The following ODC1 variants were observed in gnomAD, a reference collection of about 807,000 sequenced individuals.
The protein encoded by ODC1 is ornithine decarboxylase 1.
A neutral mutation model predicts 41.5 loss-of-function variants in ODC1; 18 were observed. The ratio of observed to expected loss-of-function variants is 0.43; its 90% confidence interval spans 0.30 to 0.64. The LOEUF (loss-of-function observed/expected upper bound fraction) is 0.64. Among genes scored for constraint, ODC1 ranks in the 30% least tolerant of loss-of-function variants. The pLI is 0.11. For synonymous variants in ODC1, 218 were observed against 211.6 expected, an observed-to-expected ratio of 1.03 and a Z score of -0.26; for missense variants, 504 against 589.0, an observed-to-expected ratio of 0.86 and a Z score of 1.49.
rs1385001529 is a variant in ODC1 at position 10,439,987 on chromosome 2, AATTT to A, written c.*733_*736del. 1 of 152,290 alleles carries A rather than the reference AATTT, an allele frequency of 6.6e-6. No individual in the cohort carries two copies. The highest frequency in any genetic ancestry group is 6.5e-5 in the Admixed American group (1 of 15,284). The allele number at this position is 152,290 out of a possible 1,614,324, so 9.4% of individuals were successfully genotyped here. ...ACATGGTAGGGACTTGCTGTTGCTG[AATTT>A]ATTAAAATAAGCTGACTGCCAAATG... is the stretch of plus-strand genomic sequence containing the variant. On this transcript the variant is annotated 3_prime_UTR_variant, in exon 12 of 12. Coordinates refer to ENST00000234111, the MANE Select transcript of ODC1 (RefSeq NM_002539.3).
Position 10,440,873 on chromosome 2 carries a change from G to T in ODC1, c.1242-5C>A. 1 of 1,612,808 alleles carries T rather than the reference G, an allele frequency of 6.2e-7. No individual in the cohort carries two copies. Reference sequence around the variant, plus strand: ...TGGAATTGCTGCATGAGTTGCCTGAGAAAGAAAAAGTGGCATATTAAAAAC... The same window carrying T: ...TGGAATTGCTGCATGAGTTGCCTGATAAAGAAAAAGTGGCATATTAAAAAC... On this transcript the variant is annotated splice_region_variant and splice_polypyrimidine_tract_variant and intron_variant, in intron 11 of 11. Transcript: ENST00000234111.
intron 4 of ODC1, 89 bp downstream of exon 4, chr2:10,444,385 T>C: frequency 6.6e-7 from 1 of 1,513,308 alleles, no homozygotes. Flanking sequence ...TGAGCATTTA[T>C]TGCCCAAAAA....
rs754692194 is a variant in ODC1 at position 10,441,910 on chromosome 2, C to T, written c.933G>A (p.Glu311=). The T allele has an allele frequency of 4.6e-5, 74 of 1,613,968 alleles. No individual in the cohort carries two copies. Among genetic ancestry groups the T allele is most frequent in the Admixed American group, 1.7e-4 (10 of 59,992 alleles). The change falls in exon 10 of 12, where the codon GAG becomes GAA. Residue 311 remains glutamate (E), a synonymous_variant. Transcript: ENST00000234111. The part of the protein sequence containing the change: ...TGSDDEDESS[E]QTFMYYVNDG... Reference sequence around the variant, plus strand: ...CATTCACATAATACATAAAGGTCTGCTCACTCGACTCATCTTCGTCTAGAA... The same window carrying T: ...CATTCACATAATACATAAAGGTCTGTTCACTCGACTCATCTTCGTCTAGAA...
rs1671770172 is a variant in ODC1, at chr2:10,440,063, G to A, written c.*661C>T. 1 of 152,286 alleles carries A rather than the reference G, an allele frequency of 6.6e-6. No individual in the cohort carries two copies. Among genetic ancestry groups the A allele is most frequent in the Non-Finnish European group, 1.5e-5 (1 of 68,114 alleles). 9.4% of individuals were successfully genotyped at this position (152,286 alleles called of 1,614,324 possible). A position where few individuals can be genotyped will look rare whatever the true frequency, so the allele number is the denominator to read the frequency against. ...CTTCTCACAGGCATGAAGGTGGGAGGGGACACGGATGGTCTCTGCAGGCCA... is the reference window on the plus strand; with the variant it reads ...CTTCTCACAGGCATGAAGGTGGGAGAGGACACGGATGGTCTCTGCAGGCCA... On this transcript the variant is annotated 3_prime_UTR_variant, in exon 12 of 12. Transcript: ENST00000234111.
chr2:10,443,608 G>C, intron 6 of ODC1, 37 bp from the exon 7 acceptor site: 1 of 1,605,892 alleles, frequency 6.2e-7, no homozygotes. Flanking sequence ...CTGTGTCTTA[G>C]TATTTCTTAA....
Position 10,443,247 on chromosome 2 carries a change from T to C in ODC1, c.733A>G (p.Lys245Glu). The C allele has an allele frequency of 3.1e-6, 5 of 1,612,076 alleles. No individual in the cohort carries two copies. The highest frequency in any genetic ancestry group is 4.2e-6 in the Non-Finnish European group (5 of 1,179,442). Residue 245 changes from lysine (K) to glutamate (E), a missense_variant, in exon 8 of 12, where the codon AAA (lysine) becomes GAA (glutamate). Physicochemically the swap from Lys to Glu is moderately conservative, Grantham distance 56 (BLOSUM62 1). Around this residue, in one of 3 missense-constraint regions of ODC1, gnomAD observed 447 missense variants for 524.4 expected, o/e 0.85. Transcript: ENST00000234111. ...TAAATTACCTCTTCAAATTTAAGTTTCACATCCTCAGATCCAGGAAAGCCA... is the reference window on the plus strand; with the variant it reads ...TAAATTACCTCTTCAAATTTAAGTTCCACATCCTCAGATCCAGGAAAGCCA... Reference protein sequence around the residue: ...GGGFPGSEDVKLKFEEITGVI... With the variant: ...GGGFPGSEDVELKFEEITGVI...
chr2:10,443,565 A>G lies in ODC1; in HGVS notation c.591T>C (p.His197=), dbSNP rs114387410. 4.3e-5 allele frequency: 69 copies of G among 1,613,088 alleles called. No individual in the cohort carries two copies. In the African/African-American group the frequency reaches 7.9e-4, roughly 18 times the overall value. Residue 197 remains histidine (H), a synonymous_variant, in exon 7 of 12, where the codon CAT becomes CAC. Coordinates refer to ENST00000234111, the MANE Select transcript of ODC1 (RefSeq NM_002539.3). ...LNIDVVGVSF[H]VGSGCTDPET... The stretch of plus-strand genomic sequence containing the variant: ...CAGGATCGGTACAGCCGCTTCCTAC[A>G]TGGAAGCTGGGGTAAAATAAAGAGA...
rs1471701681 is a variant in ODC1 at position 10,442,134 on chromosome 2, G to A, written c.791C>T (p.Pro264Leu). Reference protein sequence around the residue: ...VINPALDKYFPSDSGVRIIAE... With the variant: ...VINPALDKYFLSDSGVRIIAE... ...TATGATTCTCACTCCAGAGTCTGAC[G>A]GAAAGTATTTGTCCAACGCTGGGTT... Residue 264 changes from proline to leucine, a missense_variant, in exon 9 of 12, where the codon CCG becomes CTG. This residue lies in a region of ODC1 where 447 missense variants were observed against 524.4 expected (regional missense o/e 0.85). Coordinates refer to ENST00000234111, the MANE Select transcript of ODC1 (RefSeq NM_002539.3). The A allele has an allele frequency of 3.7e-6, 6 of 1,613,654 alleles. No individual in the cohort carries two copies. Among genetic ancestry groups the A allele is most frequent in the Non-Finnish European group, 5.1e-6 (6 of 1,179,890 alleles).
At chr2:10,445,612 T>G (rs1382550517) in intron 1 of ODC1, among the ~76,000 whole-genome samples, 1 of 152,226 alleles carries the variant, frequency 6.6e-6, no homozygotes, top group Admixed American at 6.5e-5. Flanking sequence ...TTTCAGTTCC[T>G]TAGAAACTTA....
At chr2:10,441,002 G>A (rs1240495896) in intron 11 of ODC1, 134 bp from the exon 12 acceptor site, 1 of 1,018,362 alleles carries the variant, frequency 9.8e-7, no homozygotes, top group Non-Finnish European at 1.4e-6. Flanking sequence ...TGTTACTCAG[G>A]CTGGAATACA....
chr2:10,444,013 T>A (rs1671929288), intron 5 of ODC1, 82 bp downstream of exon 5: 2 of 1,488,408 alleles, frequency 1.3e-6, no homozygotes, highest in Non-Finnish European at 1.8e-6. Context: ...AGAAATATAA[T>A]AATCAGAAAT....
Position 10,442,165 on chromosome 2 carries a change from C to T in ODC1, c.760G>A (p.Val254Ile), listed in dbSNP as rs573428254. Residue 254 changes from valine (V) to isoleucine (I), a missense_variant, in exon 9 of 12, where the codon GTA (valine) becomes ATA (isoleucine). Val to Ile is a conservative substitution (Grantham distance 29). This residue lies in a region of ODC1 where 447 missense variants were observed against 524.4 expected (regional missense o/e 0.85). Coordinates refer to ENST00000234111, the MANE Select transcript of ODC1 (RefSeq NM_002539.3). ...VKLKFEEITGVINPALDKYFP... is the reference protein window; with the variant it reads ...VKLKFEEITGIINPALDKYFP... ...TATTTGTCCAACGCTGGGTTGATTA[C>T]GCCGGTGATCTAAGAGAGTGAAACA... 33 of 1,602,538 alleles carry T rather than the reference C, an allele frequency of 2.1e-5. No individual in the cohort carries two copies. Among genetic ancestry groups the T allele is most frequent in the South Asian group, 4.5e-5 (4 of 88,652 alleles).
chr2:10,448,190 G>T lies in ODC1; in HGVS notation c.-197C>A, dbSNP rs1478878650. ...AGACGCCGGAGCCTGAGTCGCAGCC[G>T]CAGGAGCGCTCGGCCGCCCCCGCCG... is the stretch of plus-strand genomic sequence containing the variant. On this transcript the variant is annotated 5_prime_UTR_variant, in exon 1 of 12. Coordinates refer to ENST00000234111, the MANE Select transcript of ODC1 (RefSeq NM_002539.3). 2 of 186,882 alleles carry T rather than the reference G, an allele frequency of 1.1e-5. No individual in the cohort carries two copies. The highest frequency in any genetic ancestry group is 2.2e-5 in the Non-Finnish European group (2 of 91,966). The allele number at this position is 186,882 out of a possible 1,614,324, so 11.6% of individuals were successfully genotyped here. A position where few individuals can be genotyped will look rare whatever the true frequency, so the allele number is the denominator to read the frequency against.
In ODC1 at chr2:10,442,007, C is replaced by T; in HGVS notation, c.913+5G>A. Reference sequence around the variant, plus strand: ...TACATGAAGTGATTCGTCCTTTATACATACCATCAGAGCCCGTCTGTTCCT... The same window carrying T: ...TACATGAAGTGATTCGTCCTTTATATATACCATCAGAGCCCGTCTGTTCCT... On this transcript the variant is annotated splice_donor_5th_base_variant and intron_variant, in intron 9 of 11. Coordinates refer to ENST00000234111, the MANE Select transcript of ODC1 (RefSeq NM_002539.3). The T allele has an allele frequency of 1.2e-6, 2 of 1,613,384 alleles. No homozygotes were observed. Among genetic ancestry groups the T allele is most frequent in the Non-Finnish European group, 1.7e-6 (2 of 1,179,438 alleles).
intron 1 of ODC1, among the ~76,000 whole-genome samples, chr2:10,445,838 G>A (rs1044700051): frequency 3.3e-5 from 5 of 152,034 alleles, no homozygotes; most frequent in African/African-American, 7.2e-5. Context: ...ATTTCACCAC[G>A]TTGTCCAGGT....
Position 10,444,078 on chromosome 2 carries a change from A to C in ODC1, c.449+17T>G, listed in dbSNP as rs1313788340. 1 of 1,567,482 alleles carries C rather than the reference A, an allele frequency of 6.4e-7. No individual in the cohort carries two copies. Among genetic ancestry groups the C allele is most frequent in the Non-Finnish European group, 8.6e-7 (1 of 1,158,032 alleles). On this transcript the variant is annotated intron_variant, in intron 5 of 11. Coordinates refer to ENST00000234111, the MANE Select transcript of ODC1 (RefSeq NM_002539.3). ...CTTATGCTCCCGATCTTGCCCTCAG[A>C]TGGGGGAATAACTCACTTTGCTTTG...
chr2:10,443,994 C>A, intron 5 of ODC1, 101 bp downstream of exon 5: 1 of 1,456,976 alleles, frequency 6.9e-7, no homozygotes, highest in South Asian at 1.4e-5. Context: ...CTACTTTCTA[C>A]TAAAGTATAG....
chr2:10,442,824 C>A (rs542339356), intron 8 of ODC1, among the ~76,000 whole-genome samples: 117 of 152,238 alleles, frequency 7.7e-4, no homozygotes, highest in African/African-American at 2.8e-3. Flanking sequence ...GATCCTCCCA[C>A]CTCAGCCTTC....
Position 10,443,502 on chromosome 2 carries a change from A to G in ODC1, c.654T>C (p.Val218=). 1 of 1,613,988 alleles carries G rather than the reference A, an allele frequency of 6.2e-7. No homozygotes were observed. Among genetic ancestry groups the G allele is most frequent in the Non-Finnish European group, 8.5e-7 (1 of 1,179,906 alleles). Reference sequence around the variant, plus strand: ...CACGTATACTCACCCCCATGTCAAAAACACAGCGGGCATCAGAGATTGCCT... The same window carrying G: ...CACGTATACTCACCCCCATGTCAAAGACACAGCGGGCATCAGAGATTGCCT... ...FVQAISDARC[V]FDMGAEVGFS... Residue 218 remains valine, a synonymous_variant, in exon 7 of 12, where the codon GTT becomes GTC. Coordinates refer to ENST00000234111, the MANE Select transcript of ODC1 (RefSeq NM_002539.3).
Sources: allele counts gnomAD v4.1 joint callset (sites outside exome capture counted in the v4.1 genomes callset), GRCh38; gene constraint gnomAD v4.1.1; regional missense constraint gnomAD v4.1.1; transcripts MANE v1.5; gene names NCBI Gene and HGNC (gene_info 2026-07-23, HGNC 2026-07-21).